The following LRMDA variants were observed in gnomAD, a reference collection of about 807,000 sequenced individuals.
LRMDA encodes leucine rich melanocyte differentiation associated.
LRMDA carries 18 observed loss-of-function variants against 29.8 expected under a neutral mutation model. That is an observed-to-expected ratio of 0.60 (90% CI 0.42 to 0.90). The LOEUF is 0.90. Among genes scored for constraint, LRMDA ranks in the 40% least tolerant of loss-of-function variants. The pLI, the probability that LRMDA is intolerant of heterozygous loss-of-function variation, is 0.00. For missense variants in LRMDA, 273 were observed against 273.9 expected, an observed-to-expected ratio of 1.00 and a Z score of 0.02; for synonymous variants, 125 against 109.4, an observed-to-expected ratio of 1.14 and a Z score of -0.89.
chr10:75,538,722 A>G (rs11001414), intron 2 of LRMDA, among the ~76,000 whole-genome samples: 3,824 of 152,266 alleles, frequency 0.025, 172 homozygotes, highest in African/African-American at 0.087. Flanking sequence ...TGTGATTTCA[A>G]CAAGCAAGTA....
intron 5 of LRMDA, among the ~76,000 whole-genome samples, chr10:76,211,924 C>T (rs1369121477): frequency 6.6e-6 from 1 of 152,124 alleles, no homozygotes; most frequent in Non-Finnish European, 1.5e-5. Context: ...GACATTGGAG[C>T]TCTCCATGTA....
intron 6 of LRMDA, among the ~76,000 whole-genome samples, chr10:76,383,690 A>T (rs1037336608): frequency 1.3e-5 from 2 of 151,144 alleles, no homozygotes; most frequent in Non-Finnish European, 2.9e-5. Context: ...TCGGCCTCCC[A>T]AAGTGCTGGG....
chr10:76,036,460 T>G (rs1004942364), intron 3 of LRMDA, among the ~76,000 whole-genome samples: 5 of 152,228 alleles, frequency 3.3e-5, no homozygotes, highest in African/African-American at 1.2e-4. Flanking sequence ...ATGTCACCGC[T>G]GCAGAGGCAG....
intron 2 of LRMDA, among the ~76,000 whole-genome samples, chr10:75,812,146 C>T (rs75719830): frequency 0.015 from 1,259 of 81,462 alleles, 32 homozygotes; most frequent in African/African-American, 0.062. Flanking sequence ...TTTAGCAGAG[C>T]GGCATTAGTT....
chr10:75,536,825 G>T (rs1373809269), intron 2 of LRMDA, among the ~76,000 whole-genome samples: 1 of 152,044 alleles, frequency 6.6e-6, no homozygotes, highest in Non-Finnish European at 1.5e-5. Context: ...CTCCCAGATT[G>T]TTGGGATTAC....
At chr10:76,105,722 G>A (rs1286259100) in intron 5 of LRMDA, among the ~76,000 whole-genome samples, 1 of 152,060 alleles carries the variant, frequency 6.6e-6, no homozygotes, top group Non-Finnish European at 1.5e-5. Context: ...CCTGGCCTCC[G>A]GAACTGGGAA....
At chr10:75,779,309 A>T (rs746809072) in intron 2 of LRMDA, among the ~76,000 whole-genome samples, 6 of 152,066 alleles carry the variant, frequency 3.9e-5, no homozygotes, top group Non-Finnish European at 7.4e-5. Flanking sequence ...AATAACTACC[A>T]TTGGCCACCA....
Position 76,077,627 on chromosome 10 carries a change from C to G in LRMDA, c.516+18844C>G, listed in dbSNP as rs550997859. 5.9e-5 allele frequency among the ~76,000 whole-genome samples: 9 copies of G among 152,254 alleles called. No homozygotes were observed. In the South Asian group the frequency reaches 1.9e-3, roughly 32 times the overall value. ...TGGGAGGTCACCATTTATTTATGAT[C>G]TTATCATTTGAGTTTCAAAATTAGG... is the stretch of plus-strand genomic sequence containing the variant. On this transcript the variant is annotated intron_variant, in intron 5 of 6. Transcript: ENST00000611255.
chr10:76,535,196 C>G (rs1051048472), intron 6 of LRMDA, among the ~76,000 whole-genome samples: 2 of 152,014 alleles, frequency 1.3e-5, no homozygotes, highest in African/African-American at 4.8e-5. Flanking sequence ...TCAAGTCAGG[C>G]ATTTTGTAAT....
intron 2 of LRMDA, among the ~76,000 whole-genome samples, chr10:75,498,436 A>C (rs532177163): frequency 6.6e-6 from 1 of 152,304 alleles, no homozygotes; most frequent in Non-Finnish European, 1.5e-5. Flanking sequence ...TCCACCTCCC[A>C]GATGGAGCGA....
intron 2 of LRMDA, among the ~76,000 whole-genome samples, chr10:75,650,763 G>A (rs1196732086): frequency 1.3e-5 from 2 of 152,150 alleles, no homozygotes; most frequent in African/African-American, 2.4e-5. Context: ...TCTGGTGAGT[G>A]TGAGGGCCAC....
intron 2 of LRMDA, among the ~76,000 whole-genome samples, chr10:75,988,304 C>T (rs1323781544): frequency 1.3e-5 from 2 of 152,102 alleles, no homozygotes; most frequent in African/African-American, 4.8e-5. Context: ...CTTTCCTATC[C>T]ACCACCCTTC....
chr10:75,813,603 C>A (rs116777537), intron 2 of LRMDA, among the ~76,000 whole-genome samples: 1 of 152,126 alleles, frequency 6.6e-6, no homozygotes, highest in Non-Finnish European at 1.5e-5. Context: ...CGACGTGGGA[C>A]AGATACGCGT....
At chr10:75,699,966 G>C (rs1313327526) in intron 2 of LRMDA, among the ~76,000 whole-genome samples, 2 of 152,122 alleles carry the variant, frequency 1.3e-5, no homozygotes, top group Non-Finnish European at 2.9e-5. Context: ...AGAGATGCTG[G>C]CAACCACTAG....
chr10:76,166,668 C>T (rs535924666), intron 5 of LRMDA, among the ~76,000 whole-genome samples: 6 of 152,212 alleles, frequency 3.9e-5, no homozygotes, highest in African/African-American at 7.2e-5. Flanking sequence ...TTTATGGCTG[C>T]GTAGTATTCC....
At chr10:75,492,134 G>A (rs571672913) in intron 2 of LRMDA, among the ~76,000 whole-genome samples, 20 of 152,344 alleles carry the variant, frequency 1.3e-4, no homozygotes, top group Non-Finnish European at 2.2e-4. Flanking sequence ...CGTCAGGAGA[G>A]CCTACGAGTA....
At chr10:75,900,747 T>G (rs1845656266) in intron 2 of LRMDA, among the ~76,000 whole-genome samples, 1 of 152,152 alleles carries the variant, frequency 6.6e-6, no homozygotes, top group African/African-American at 2.4e-5. Context: ...GAATTTGGGT[T>G]TCTTGGAATG....
chr10:76,016,537 C>CTGATTTTGTGACATCCTGATTT (rs1336473775), intron 2 of LRMDA, among the ~76,000 whole-genome samples: 4 of 152,178 alleles, frequency 2.6e-5, no homozygotes, highest in African/African-American at 9.7e-5. Context: ...TTATGATCTT[C>CTGATTTTGTGACATCCTGATTT]TGTAACATCC....
chr10:75,838,560 T>G (rs1441824733), intron 2 of LRMDA, among the ~76,000 whole-genome samples: 2 of 152,208 alleles, frequency 1.3e-5, no homozygotes, highest in Non-Finnish European at 2.9e-5. Flanking sequence ...CAGGTTTTTT[T>G]CAGGGATGAA....
Sources: gnomAD v4.1 joint callset for allele counts (sites outside exome capture counted in the v4.1 genomes callset) on GRCh38, gnomAD v4.1.1 for gene constraint, MANE v1.5 for transcripts, NCBI Gene and HGNC (gene_info 2026-07-23, HGNC 2026-07-21) for gene names.